The following SEC16A variants were observed in gnomAD, a reference collection of about 807,000 sequenced individuals.
The protein encoded by SEC16A is protein transport protein Sec16A.
SEC16A carries 110 observed loss-of-function variants against 221.9 expected under a neutral mutation model. The observed-to-expected ratio is 0.50, with a 90% confidence interval of 0.42 to 0.58. The LOEUF is 0.58. Among genes scored for constraint, SEC16A ranks in the 20% least tolerant of loss-of-function variants. The pLI is 0.00. For synonymous variants in SEC16A, 1,393 were observed against 1,257.7 expected (o/e 1.11, Z -2.28); for missense variants, 3,165 against 3,097.8 (o/e 1.02, Z -0.52).
chr9:136,470,887 G>C (rs962627997), intron 4 of SEC16A, among the ~76,000 whole-genome samples: 1 of 152,254 alleles, frequency 6.6e-6, no homozygotes, highest in Non-Finnish European at 1.5e-5. Context: ...CTGTGAGACA[G>C]TCTCTCTCAG....
intron 19 of SEC16A, 97 bp from the exon 20 acceptor site, chr9:136,455,890 G>C: frequency 2.3e-6 from 3 of 1,318,422 alleles, no homozygotes; most frequent in Non-Finnish European, 3.1e-6. Flanking sequence ...CCCTACTTCA[G>C]GACAGGAGGC....
intron 13 of SEC16A, among the ~76,000 whole-genome samples, chr9:136,460,904 C>A (rs1478660412): frequency 6.6e-6 from 1 of 152,134 alleles, no homozygotes; most frequent in African/African-American, 2.4e-5. Context: ...CAGAGCAAAA[C>A]TCAAAATTTA....
At chr9:136,456,617 G>C (rs1431238578) in intron 18 of SEC16A, among the ~76,000 whole-genome samples, 1 of 152,250 alleles carries the variant, frequency 6.6e-6, no homozygotes, top group African/African-American at 2.4e-5. Flanking sequence ...ATGACTCTCT[G>C]AACTTTGAAA....
Position 136,465,474 on chromosome 9 carries a change from CA to C in SEC16A, c.4303+487del, listed in dbSNP as rs374915457. ...TCAAAAAAACCAAAAAACAAACAAA[CA>C]AAAAAACTCAGCCTACCATTAAATT... On this transcript the variant is annotated intron_variant, in intron 8 of 31. Coordinates refer to ENST00000684901, the MANE Select transcript of SEC16A (RefSeq NM_014866.2). Among the ~76,000 whole-genome samples, 49 of 152,266 alleles carry C rather than the reference CA, an allele frequency of 3.2e-4. No individual in the cohort carries two copies. In the East Asian group the frequency reaches 5.8e-3, roughly 18 times the overall value.
chr9:136,448,650 C>G lies in SEC16A; in HGVS notation c.6313-489G>C. 6 of 702,540 alleles carry G rather than the reference C, an allele frequency of 8.5e-6. No homozygotes were observed. The South Asian group carries it at 9.0e-5, about 11-fold the overall frequency. The allele number at this position is 702,540 out of a possible 1,614,324, so 43.5% of individuals were successfully genotyped here. A position where few individuals can be genotyped will look rare whatever the true frequency, so the allele number is the denominator to read the frequency against. ...AGGATGGAGGTGGGGAGCAGATCCA[C>G]AGAGACACCAGGAGGATGGAGGTGG... On this transcript the variant is annotated intron_variant, in intron 23 of 31. Transcript: ENST00000684901.
At chr9:136,458,269 T>C (rs1205199671) in intron 17 of SEC16A, among the ~76,000 whole-genome samples, 1 of 151,618 alleles carries the variant, frequency 6.6e-6, no homozygotes, top group Non-Finnish European at 1.5e-5. Flanking sequence ...ATGCTCAGCC[T>C]CTCATGTATG....
rs751875811 is a variant in SEC16A at position 136,477,484 on chromosome 9, T to C, written c.132A>G (p.Thr44=). The change falls in exon 3 of 32, where the codon ACA becomes ACG. Residue 44 remains threonine, a synonymous_variant. Transcript: ENST00000684901. Reference sequence around the variant, plus strand: ...CCGTGACCGGCTGCAACGGGCAAGTTGTCGGAGCCACTGCTGCATTATTAT... The same window carrying C: ...CCGTGACCGGCTGCAACGGGCAAGTCGTCGGAGCCACTGCTGCATTATTAT... ...RANNNAAVAP[T]TCPLQPVTDP... The C allele has an allele frequency of 1.2e-6, 2 of 1,613,994 alleles. No homozygotes were observed. Among genetic ancestry groups the C allele is most frequent in the African/African-American group, 1.3e-5 (1 of 75,034 alleles).
Position 136,460,034 on chromosome 9 carries a change from C to A in SEC16A, c.5073+8G>T. ...AGCCTGTGCAAGCCACCAGGCAGTG[C>A]CACTCACCGTGGACGCGGCAGGCAT... On this transcript the variant is annotated splice_region_variant and intron_variant, in intron 14 of 31. Transcript: ENST00000684901. 6.3e-7 allele frequency: 1 copy of A among 1,597,784 alleles called. No homozygotes were observed. Among genetic ancestry groups the A allele is most frequent in the Non-Finnish European group, 8.5e-7 (1 of 1,172,020 alleles).
rs1564488068 is a variant in SEC16A, at chr9:136,459,388, AT to A, written c.5303+55del. The A allele has an allele frequency of 1.4e-5, 20 of 1,457,242 alleles. No homozygotes were observed. The highest frequency in any genetic ancestry group is 1.9e-5 in the Non-Finnish European group (20 of 1,061,610). The allele number at this position is 1,457,242 out of a possible 1,614,324, so 90.3% of individuals were successfully genotyped here. On this transcript the variant is annotated intron_variant, in intron 16 of 31. Coordinates refer to ENST00000684901, the MANE Select transcript of SEC16A (RefSeq NM_014866.2). This position sits in a 1 kb window ranked among gnomAD's most constrained non-coding sequence, Gnocchi z 6.1. ...TTTCTGAATTCACTAAAGGAGAAGG[AT>A]TTTGTTTTACTTTGAAAGGAAAACT...
upstream of SEC16A, chr9:136,484,503 G>A (rs779811469): frequency 4.9e-6 from 6 of 1,236,800 alleles, no homozygotes; most frequent in Non-Finnish European, 6.3e-6. Context: ...AAGAGCCGCG[G>A]CCTTCCTCTG....
In SEC16A at chr9:136,474,500, C is replaced by A. The variant is rs746894213; in HGVS notation, c.3116G>T (p.Arg1039Leu). 6.2e-7 allele frequency: 1 copy of A among 1,612,980 alleles called. No homozygotes were observed. Among genetic ancestry groups the A allele is most frequent in the African/African-American group, 1.3e-5 (1 of 74,950 alleles). The change falls in exon 3 of 32, where the codon CGT becomes CTT. Residue 1039 changes from arginine to leucine, a missense_variant. By Grantham distance (102) the Arg-to-Leu change is moderately radical. Around this residue, in one of 3 missense-constraint regions of SEC16A, gnomAD observed 2,030 missense variants for 1,923.1 expected, o/e 1.06. Coordinates refer to ENST00000684901, the MANE Select transcript of SEC16A (RefSeq NM_014866.2). ...QSGPGAPNLD[R>L]FYQQVTKDAQ... is the part of the protein sequence containing the mutation. ...ATCTTTCGTGACCTGCTGATAAAAA[C>A]GGTCAAGGTTAGGCGCCCCAGGCCC...
chr9:136,454,360 T>C, intron 20 of SEC16A, 33 bp from the exon 21 acceptor site: 1 of 1,541,740 alleles, frequency 6.5e-7, no homozygotes, highest in Non-Finnish European at 8.8e-7. Flanking sequence ...AGGTCTGGGG[T>C]TACTGAGGGT....
At chr9:136,442,911 AAAAG>A (rs1454480178) in intron 31 of SEC16A, among the ~76,000 whole-genome samples, 4 of 152,376 alleles carry the variant, frequency 2.6e-5, no homozygotes, top group African/African-American at 9.6e-5. Context: ...GCTATTAGGA[AAAAG>A]AAATAAAAAA....
In SEC16A at chr9:136,474,343, T is replaced by C; in HGVS notation, c.3273A>G (p.Gly1091=). ...LSNPESLPAQ[G]QAQNSAQSPA... ...GTGACTGTGCTGAGTTCTGGGCCTG[T>C]CCCTGTGCGGGCAGACTTTCTGGAT... Residue 1091 remains glycine (G), a synonymous_variant, in exon 3 of 32, where the codon GGA becomes GGG. Coordinates refer to ENST00000684901, the MANE Select transcript of SEC16A (RefSeq NM_014866.2). The C allele has an allele frequency of 6.2e-7, 1 of 1,612,572 alleles. No homozygotes were observed. Among genetic ancestry groups the C allele is most frequent in the Non-Finnish European group, 8.5e-7 (1 of 1,179,708 alleles).
chr9:136,469,837 G>A (rs1173004736), intron 4 of SEC16A, among the ~76,000 whole-genome samples: 2 of 152,238 alleles, frequency 1.3e-5, no homozygotes, highest in Non-Finnish European at 1.5e-5. Context: ...GCTGCTGGGT[G>A]GCATGGGGCC....
rs371307879 is a variant in SEC16A at position 136,454,211 on chromosome 9, C to A, written c.5974G>T (p.Ala1992Ser). Reference sequence around the variant, plus strand: ...CCGGAGGGCTCCAGGAAGCCAAGTGCAGGCCCTGGGGTCACACAGCCAGGA... The same window carrying A: ...CCGGAGGGCTCCAGGAAGCCAAGTGAAGGCCCTGGGGTCACACAGCCAGGA... The part of the protein sequence containing the change: ...PGPGCVTPGP[A>S]LGFLEPSGPG... The change falls in exon 21 of 32, where the codon GCA becomes TCA. Residue 1992 changes from alanine (A) to serine (S), a missense_variant. Coordinates refer to ENST00000684901, the MANE Select transcript of SEC16A (RefSeq NM_014866.2). 5.1e-6 allele frequency: 8 copies of A among 1,565,800 alleles called. No individual in the cohort carries two copies. In the African/African-American group the frequency reaches 9.5e-5, roughly 19 times the overall value.
chr9:136,463,418 G>A, intron 11 of SEC16A, 45 bp downstream of exon 11: 1 of 1,599,170 alleles, frequency 6.3e-7, no homozygotes, highest in Non-Finnish European at 8.5e-7. Flanking sequence ...AAGACGAAAT[G>A]AAGACCAGCA....
At position 136,476,942 on chromosome 9, in the gene SEC16A, G is replaced by C. The variant is rs749181626; in HGVS notation, c.674C>G (p.Ser225Trp). 1.2e-6 allele frequency: 2 copies of C among 1,612,594 alleles called. No homozygotes were observed. Among genetic ancestry groups the C allele is most frequent in the South Asian group, 1.1e-5 (1 of 91,058 alleles). Reference protein sequence around the residue: ...WGPVQGGPQPSGQHRSPCPEG... With the variant: ...WGPVQGGPQPWGQHRSPCPEG... ...AGGGCAGGGTGAACGATGTTGCCCC[G>C]AGGGCTGTGGGCCTCCCTGCACTGG... The change falls in exon 3 of 32, where the codon TCG becomes TGG. Residue 225 changes from serine to tryptophan, a missense_variant. Physicochemically the swap from Ser to Trp is radical, Grantham distance 177. This residue lies in a region of SEC16A where 2,030 missense variants were observed against 1,923.1 expected (regional missense o/e 1.06). Transcript: ENST00000684901.
intron 30 of SEC16A, 52 bp downstream of exon 30, chr9:136,445,000 C>T: frequency 1.3e-6 from 2 of 1,536,024 alleles, no homozygotes; most frequent in Non-Finnish European, 1.8e-6. Context: ...CTCAGGAACA[C>T]AGGCGGCACA....
Sources: allele counts gnomAD v4.1 joint callset (sites outside exome capture counted in the v4.1 genomes callset), GRCh38; gene constraint gnomAD v4.1.1; regional missense constraint gnomAD v4.1.1; non-coding constraint Gnocchi (gnomAD v3.1); transcripts MANE v1.5; gene names NCBI Gene and HGNC (gene_info 2026-07-23, HGNC 2026-07-21).